The following TCP11L2 variants were observed in gnomAD, a reference collection of about 807,000 sequenced individuals.
The protein encoded by TCP11L2 is T-complex protein 11-like protein 2.
A neutral mutation model predicts 50.7 loss-of-function variants in TCP11L2; 39 were observed. The observed-to-expected ratio is 0.77, with a 90% confidence interval of 0.60 to 1.01. The LOEUF (loss-of-function observed/expected upper bound fraction) is 1.01, where lower values mean the gene tolerates loss of function less well. Ranked by LOEUF, TCP11L2 falls within the 50% of genes least tolerant of loss-of-function variation. The pLI is 0.00. For synonymous variants in TCP11L2, 192 were observed against 219.3 expected, an observed-to-expected ratio of 0.88 and a Z score of 1.10; for missense variants, 612 against 614.7, an observed-to-expected ratio of 1.00 and a Z score of 0.05.
rs565515161 is a variant in TCP11L2 at position 106,332,664 on chromosome 12, C to T, written c.773-2975C>T. On this transcript the variant is annotated intron_variant, in intron 6 of 9. Transcript: ENST00000299045. The stretch of plus-strand genomic sequence containing the variant: ...AATGAAGGTGCCAGCTGATTTGGTT[C>T]CTGATGAGGGCTTTCTTCCTGGCAC... 1.1e-3 allele frequency among the ~76,000 whole-genome samples: 171 copies of T among 152,108 alleles called. 1 individual carries two copies. The highest frequency in any genetic ancestry group is 2.2e-3 in the Non-Finnish European group (149 of 68,026).
chr12:106,320,426 AAGAT>A (rs1209178729), intron 4 of TCP11L2, among the ~76,000 whole-genome samples: 2 of 152,108 alleles, frequency 1.3e-5, no homozygotes, highest in Non-Finnish European at 2.9e-5. Flanking sequence ...AGAAAGAAAA[AAGAT>A]AGATTCCTAG....
In TCP11L2 at chr12:106,338,792, G is replaced by A. The variant is rs188129322; in HGVS notation, c.1143-2034G>A. 2.4e-3 allele frequency among the ~76,000 whole-genome samples: 361 copies of A among 152,328 alleles called. 1 individual carries two copies. Among genetic ancestry groups the A allele is most frequent in the Non-Finnish European group, 3.7e-3 (255 of 68,036 alleles). ...TTACATTCCCACCAGCAGTGTATAA[G>A]TGCTCTCTTTTCTCTACAACCTTGC... is the stretch of plus-strand genomic sequence containing the variant. On this transcript the variant is annotated intron_variant, in intron 8 of 9. Coordinates refer to ENST00000299045, the MANE Select transcript of TCP11L2 (RefSeq NM_152772.3).
At chr12:106,326,896 AGG>A (rs1301424741) in intron 6 of TCP11L2, among the ~76,000 whole-genome samples, 1 of 152,202 alleles carries the variant, frequency 6.6e-6, no homozygotes, top group African/African-American at 2.4e-5. Flanking sequence ...TATGACTCCA[AGG>A]GCTATGTTGT....
chr12:106,321,596 C>G lies in TCP11L2; in HGVS notation c.525C>G (p.Ile175Met). The G allele has an allele frequency of 6.2e-7, 1 of 1,614,160 alleles. No homozygotes were observed. The highest frequency in any genetic ancestry group is 8.5e-7 in the Non-Finnish European group (1 of 1,180,018). Residue 175 changes from isoleucine (I) to methionine (M), a missense_variant, in exon 5 of 10, where the codon ATC becomes ATG. By Grantham distance (10) the Ile-to-Met change is conservative. Coordinates refer to ENST00000299045, the MANE Select transcript of TCP11L2 (RefSeq NM_152772.3). ...AGGCTGAGCACAGTGCTGTTGACAT[C>G]CAAGGCCTGGCCAACTATGTCATCA... ...RQQAEHSAVD[I>M]QGLANYVIST...
At chr12:106,302,341 A>C (rs1452346096), upstream of TCP11L2, among the ~76,000 whole-genome samples, 73 of 11,070 alleles carry the variant, frequency 6.6e-3, 2 homozygotes, top group Non-Finnish European at 4.3e-3. Flanking sequence ...GCCCCCGCTC[A>C]GCCCCCGCTC....
At chr12:106,323,470 C>G in intron 5 of TCP11L2, 40 bp from the exon 6 acceptor site, 1 of 1,505,168 alleles carries the variant, frequency 6.6e-7, no homozygotes, top group Non-Finnish European at 9.0e-7. Flanking sequence ...TTCAGCTTCA[C>G]TTCTTAATCA....
At chr12:106,322,208 C>T (rs988333899) in intron 5 of TCP11L2, among the ~76,000 whole-genome samples, 6 of 152,202 alleles carry the variant, frequency 3.9e-5, no homozygotes, top group Non-Finnish European at 7.3e-5. Flanking sequence ...AGACAACCCT[C>T]CACGTGTCAT....
At chr12:106,328,178 T>C (rs948619779) in intron 6 of TCP11L2, among the ~76,000 whole-genome samples, 1 of 152,244 alleles carries the variant, frequency 6.6e-6, no homozygotes, top group African/African-American at 2.4e-5. Flanking sequence ...TCAAGAAATA[T>C]TTATGGAATA....
At chr12:106,300,492 G>A (rs2136565102), upstream of TCP11L2, among the ~76,000 whole-genome samples, 1 of 152,254 alleles carries the variant, frequency 6.6e-6, no homozygotes, top group South Asian at 2.1e-4. Context: ...ACCACGCCCA[G>A]CTAATTTTTT....
upstream of TCP11L2, among the ~76,000 whole-genome samples, chr12:106,301,620 A>G (rs1019278103): frequency 2.0e-5 from 3 of 152,250 alleles, no homozygotes; most frequent in Admixed American, 6.5e-5. Context: ...CAATCCAGAC[A>G]TAATTTCGGC....
intron 3 of TCP11L2, 134 bp from the exon 4 acceptor site, chr12:106,318,210 A>G (rs1051270739): frequency 8.6e-6 from 9 of 1,043,184 alleles, no homozygotes; most frequent in Admixed American, 8.5e-5. Context: ...AAAAATATTA[A>G]AAGATTAATG....
intron 9 of TCP11L2, among the ~76,000 whole-genome samples, chr12:106,343,156 C>T (rs1050745904): frequency 1.3e-5 from 2 of 152,182 alleles, no homozygotes; most frequent in Non-Finnish European, 2.9e-5. Context: ...ACAAACACTC[C>T]GGTCACTTTA....
intron 6 of TCP11L2, among the ~76,000 whole-genome samples, chr12:106,331,325 A>AGAAAG (rs1415586699): frequency 2.0e-4 from 30 of 151,842 alleles, no homozygotes; most frequent in African/African-American, 6.8e-4. Context: ...ATCTACAAAA[A>AGAAAG]GAAAAGAAAA....
rs1057301598 is a variant in TCP11L2 at position 106,321,229 on chromosome 12, C to T, written c.415-257C>T. Among the ~76,000 whole-genome samples the T allele has an allele frequency of 5.9e-5, 9 of 152,292 alleles. No homozygotes were observed. The East Asian group carries it at 1.7e-3, about 29-fold the overall frequency. On this transcript the variant is annotated intron_variant, in intron 4 of 9. Transcript: ENST00000299045. Reference sequence around the variant, plus strand: ...ACTGTGCTTTCAGTAATCTTGCTTCCTTGCTAGCTGTTTTTATTCTGACAG... The same window carrying T: ...ACTGTGCTTTCAGTAATCTTGCTTCTTTGCTAGCTGTTTTTATTCTGACAG...
chr12:106,299,266 C>T (rs892072410), upstream of TCP11L2, among the ~76,000 whole-genome samples: 2 of 152,104 alleles, frequency 1.3e-5, no homozygotes, highest in African/African-American at 4.8e-5. Flanking sequence ...CTGGGATACA[C>T]CAAGTTTTTG....
At chr12:106,309,361 G>T (rs996577559) in intron 1 of TCP11L2, among the ~76,000 whole-genome samples, 1 of 152,058 alleles carries the variant, frequency 6.6e-6, no homozygotes, top group Admixed American at 6.5e-5. Context: ...TGGGATTCTG[G>T]GATAAGGTGA....
chr12:106,314,579 GAGAGAGAGAGAGAGAGAGAGAGAC>G, intron 3 of TCP11L2, 86 bp downstream of exon 3: 1 of 174,146 alleles, frequency 5.7e-6, no homozygotes, highest in Non-Finnish European at 8.6e-6. Flanking sequence ...GTGTGTGTGA[GAGAGAGAGAGAGAGAGAGAGAGAC>G]AGAGAGAGAG....
chr12:106,345,589 T>A (rs547604974), intron 9 of TCP11L2, among the ~76,000 whole-genome samples: 1 of 152,292 alleles, frequency 6.6e-6, no homozygotes, highest in East Asian at 1.9e-4. Flanking sequence ...GTGTATGTAA[T>A]TATAATCATG....
rs771425977 is a variant in TCP11L2, at chr12:106,346,397, T to C, written c.1427T>C (p.Leu476Pro). 1.2e-6 allele frequency: 2 copies of C among 1,614,208 alleles called. No individual in the cohort carries two copies. The highest frequency in any genetic ancestry group is 1.7e-6 in the Non-Finnish European group (2 of 1,180,032). The change falls in exon 10 of 10, where the codon CTA becomes CCA. Residue 476 changes from leucine (L) to proline (P), a missense_variant. Transcript: ENST00000299045. ...LAVIQQELEA[L>P]GSQYANIVNL... ...GTCATTCAGCAGGAGCTAGAAGCCC[T>C]AGGCTCTCAATATGCAAACATTGTG...
Sources: allele counts gnomAD v4.1 joint callset (sites outside exome capture counted in the v4.1 genomes callset), GRCh38; gene constraint gnomAD v4.1.1; transcripts MANE v1.5; gene names NCBI Gene and HGNC (gene_info 2026-07-23, HGNC 2026-07-21).